Variants in SLC4A4 observed in about 807,000 individuals in gnomAD.
SLC4A4 encodes electrogenic sodium bicarbonate cotransporter 1.
In SLC4A4, 27 loss-of-function variants were observed where a neutral mutation model predicts 111.5. The ratio of observed to expected loss-of-function variants is 0.24; its 90% CI spans 0.18 to 0.33. The LOEUF is 0.33. SLC4A4 is among the 10% of genes least tolerant of loss of function. The pLI, the probability that SLC4A4 is intolerant of heterozygous loss-of-function variation, is 1.00. For synonymous variants in SLC4A4, 443 were observed against 463.4 expected (o/e 0.96, Z 0.57); for missense variants, 909 against 1,315.5 (o/e 0.69, Z 4.78).
chr4:71,250,199 A>G (rs1490299189), intron 2 of SLC4A4, among the ~76,000 whole-genome samples: 1 of 152,190 alleles, frequency 6.6e-6, no homozygotes, highest in Non-Finnish European at 1.5e-5. Flanking sequence ...GGCAATAGCT[A>G]CAACATGTCT....
intron 7 of SLC4A4, among the ~76,000 whole-genome samples, chr4:71,412,874 T>G (rs1418023365): frequency 1.3e-5 from 2 of 152,326 alleles, no homozygotes; most frequent in African/African-American, 4.8e-5. Context: ...AGTCAATCTT[T>G]AAGTAATTTA....
At chr4:71,394,940 G>T (rs959638779) in intron 6 of SLC4A4, among the ~76,000 whole-genome samples, 2 of 152,124 alleles carry the variant, frequency 1.3e-5, no homozygotes, top group Non-Finnish European at 2.9e-5. Context: ...GTGGGAGGGG[G>T]TGAGGGATTA....
intron 15 of SLC4A4, among the ~76,000 whole-genome samples, chr4:71,490,967 T>A (rs1729846313): frequency 1.3e-5 from 2 of 151,786 alleles, no homozygotes. Context: ...TAAAAATAAG[T>A]AAATAATAAA....
At chr4:71,163,672 C>T (rs557819648) in intron 2 of SLC4A4, among the ~76,000 whole-genome samples, 1 of 152,310 alleles carries the variant, frequency 6.6e-6, no homozygotes, top group African/African-American at 2.4e-5. Context: ...TGTAGTCTGC[C>T]TTTAGTCTAA....
intron 4 of SLC4A4, among the ~76,000 whole-genome samples, chr4:71,349,431 G>A (rs1487877962): frequency 6.6e-6 from 1 of 152,038 alleles, no homozygotes; most frequent in East Asian, 1.9e-4. Context: ...GCCACTTCAC[G>A]CATCATGTTT....
chr4:71,330,359 G>A (rs1385538918), intron 3 of SLC4A4, among the ~76,000 whole-genome samples: 1 of 152,044 alleles, frequency 6.6e-6, no homozygotes, highest in Admixed American at 6.6e-5. Flanking sequence ...TCTATTTTTA[G>A]AAATGTTTTG....
Position 71,355,997 on chromosome 4 carries a change from G to T in SLC4A4, c.551-1011G>T, listed in dbSNP as rs968572735. On this transcript the variant is annotated intron_variant, in intron 5 of 25. Transcript: ENST00000264485. ...CTCACATTCTGTGCAGAGGACAAAA[G>T]GTCTACTTGCATACCTTGAGACAGA... Among the ~76,000 whole-genome samples, 47 of 152,180 alleles carry T rather than the reference G, an allele frequency of 3.1e-4. 3 individuals are homozygous for T. Among genetic ancestry groups the T allele is most frequent in the African/African-American group, 2.4e-5 (1 of 41,430 alleles).
At position 71,421,344 on chromosome 4, in the gene SLC4A4, G is replaced by T. The variant is rs28807762; in HGVS notation, c.808-19272G>T. Among the ~76,000 whole-genome samples the T allele has an allele frequency of 9.4e-3, 1,433 of 152,130 alleles. 26 individuals carry two copies. Among genetic ancestry groups the T allele is most frequent in the African/African-American group, 0.032 (1,336 of 41,530 alleles). ...CACCCAGATTCATAAAGCAAGTCCTGAGTGACCTACAAAGAGACTGAGACT... is the reference window on the plus strand; with the variant it reads ...CACCCAGATTCATAAAGCAAGTCCTTAGTGACCTACAAAGAGACTGAGACT... On this transcript the variant is annotated intron_variant, in intron 7 of 25. Coordinates refer to ENST00000264485, the MANE Select transcript of SLC4A4 (RefSeq NM_001098484.3).
At chr4:71,394,400 A>G (rs987762311) in intron 6 of SLC4A4, among the ~76,000 whole-genome samples, 1 of 152,186 alleles carries the variant, frequency 6.6e-6, no homozygotes, top group Non-Finnish European at 1.5e-5. Context: ...CATGAAAAAA[A>G]TGCCCAACAT....
intron 2 of SLC4A4, among the ~76,000 whole-genome samples, chr4:71,151,324 T>A (rs1460405303): frequency 1.3e-5 from 2 of 152,144 alleles, no homozygotes; most frequent in East Asian, 3.9e-4. Context: ...ATATCAACGG[T>A]AGGTTTTGCC....
intron 1 of SLC4A4, among the ~76,000 whole-genome samples, chr4:71,215,206 G>C (rs983328691): frequency 1.3e-5 from 2 of 151,902 alleles, no homozygotes; most frequent in Non-Finnish European, 2.9e-5. Flanking sequence ...TGATAGTACA[G>C]GGTAGACTAA....
At chr4:71,507,626 T>C (rs190533588) in intron 16 of SLC4A4, among the ~76,000 whole-genome samples, 39 of 152,256 alleles carry the variant, frequency 2.6e-4, no homozygotes, top group Admixed American at 2.6e-3. Context: ...TGACTTAGAC[T>C]CCCACACAAT....
At chr4:71,302,594 G>A (rs530096222) in intron 3 of SLC4A4, among the ~76,000 whole-genome samples, 1 of 152,344 alleles carries the variant, frequency 6.6e-6, no homozygotes, top group African/African-American at 2.4e-5. Context: ...TCTCTTTGAT[G>A]TGCGCTACCT....
At chr4:71,400,601 C>T (rs1385953736) in intron 7 of SLC4A4, among the ~76,000 whole-genome samples, 4 of 152,176 alleles carry the variant, frequency 2.6e-5, no homozygotes, top group Non-Finnish European at 5.9e-5. Context: ...AAGGAAGAAA[C>T]TCCATTCTCT....
intron 2 of SLC4A4, among the ~76,000 whole-genome samples, chr4:71,172,959 T>G (rs572534318): frequency 5.9e-5 from 9 of 152,250 alleles, no homozygotes; most frequent in Non-Finnish European, 1.0e-4. Flanking sequence ...TACTTTGTAG[T>G]ACTGTCTGTA....
chr4:71,564,020 C>A lies in SLC4A4; in HGVS notation c.3196+131C>A, dbSNP rs1286545607. ...TCCTTTTTCTATGAGAAGATTTACA[C>A]TTAATTATAATAAAACTTTGTTTTT... On this transcript the variant is annotated intron_variant, in intron 24 of 25. Transcript: ENST00000264485. 4 of 675,794 alleles carry A rather than the reference C, an allele frequency of 5.9e-6. No individual in the cohort carries two copies. In the African/African-American group the frequency reaches 7.2e-5, roughly 12 times the overall value. The allele number at this position is 675,794 out of a possible 1,614,324, so 41.9% of individuals were successfully genotyped here. A position where few individuals can be genotyped will look rare whatever the true frequency, so the allele number is the denominator to read the frequency against.
At chr4:71,496,121 C>A (rs1730383357) in intron 15 of SLC4A4, among the ~76,000 whole-genome samples, 1 of 152,066 alleles carries the variant, frequency 6.6e-6, no homozygotes, top group African/African-American at 2.4e-5. Flanking sequence ...AATGTTCAGG[C>A]AGAGAATGAA....
At chr4:71,305,875 A>G (rs1725641339) in intron 3 of SLC4A4, among the ~76,000 whole-genome samples, 1 of 152,226 alleles carries the variant, frequency 6.6e-6, no homozygotes, top group Non-Finnish European at 1.5e-5. Context: ...GTGGTATTAC[A>G]GTGTTCAGAG....
At chr4:71,270,157 G>A (rs1345032962) in intron 3 of SLC4A4, among the ~76,000 whole-genome samples, 7 of 152,248 alleles carry the variant, frequency 4.6e-5, no homozygotes, top group Non-Finnish European at 2.9e-5. Context: ...GCGCAATCTC[G>A]GCTCACTGCA....
Sources: allele counts gnomAD v4.1 joint callset (sites outside exome capture counted in the v4.1 genomes callset), GRCh38; gene constraint gnomAD v4.1.1; transcripts MANE v1.5; gene names NCBI Gene and HGNC (gene_info 2026-07-23, HGNC 2026-07-21).